The following CAMK4 variants were observed in gnomAD, a reference collection of about 807,000 sequenced individuals.
The protein encoded by CAMK4 is calcium/calmodulin dependent protein kinase IV, also known as calcium/calmodulin-dependent protein kinase type IV.
A neutral mutation model predicts 44.9 loss-of-function variants in CAMK4; 22 were observed. That is an observed-to-expected ratio of 0.49 (90% CI 0.35 to 0.70). The LOEUF is 0.70. Among genes scored for constraint, CAMK4 ranks in the 30% least tolerant of loss-of-function variants. The probability of loss-of-function intolerance (pLI) is 0.01; values close to 1 mark genes in which losing one functional copy is unlikely to be tolerated. For synonymous variants in CAMK4, 218 were observed against 215.4 expected (o/e 1.01, Z -0.11); for missense variants, 498 against 586.8 (o/e 0.85, Z 1.56).
chr5:111,237,599 G>A (rs1477313334), intron 1 of CAMK4, among the ~76,000 whole-genome samples: 3 of 152,184 alleles, frequency 2.0e-5, no homozygotes, highest in Admixed American at 2.0e-4. Flanking sequence ...GCTAGCACTA[G>A]TTGTAGATAT....
rs1414564990 is a variant in CAMK4, at chr5:111,490,333, G to A, written c.*5867G>A. 1 of 152,182 alleles carries A rather than the reference G, an allele frequency of 6.6e-6. No homozygotes were observed. Among genetic ancestry groups the A allele is most frequent in the Admixed American group, 6.5e-5 (1 of 15,288 alleles). The allele number at this position is 152,182 out of a possible 1,614,324, so 9.4% of individuals were successfully genotyped here. A position where few individuals can be genotyped will look rare whatever the true frequency, so the allele number is the denominator to read the frequency against. ...ACAGTTAAGCATAACTATAGGCTGG[G>A]CGTGATAGTTCATGCCTGTAATCCC... On this transcript the variant is annotated 3_prime_UTR_variant, in exon 11 of 11. Coordinates refer to ENST00000282356, the MANE Select transcript of CAMK4 (RefSeq NM_001744.6).
At chr5:111,285,368 C>T (rs1751199845) in intron 1 of CAMK4, among the ~76,000 whole-genome samples, 1 of 152,074 alleles carries the variant, frequency 6.6e-6, no homozygotes, top group African/African-American at 2.4e-5. Context: ...GCACAGGTGG[C>T]CAATGTGATT....
intron 7 of CAMK4, among the ~76,000 whole-genome samples, chr5:111,460,149 G>A (rs916798964): frequency 4.5e-4 from 68 of 151,476 alleles, no homozygotes; most frequent in African/African-American, 1.6e-3. Flanking sequence ...ATTACAGAAA[G>A]GATATGCATA....
At chr5:111,318,126 A>T (rs1377941119) in intron 1 of CAMK4, among the ~76,000 whole-genome samples, 1 of 152,096 alleles carries the variant, frequency 6.6e-6, no homozygotes, top group Admixed American at 6.6e-5. Flanking sequence ...GGTTTGTGGA[A>T]GTGTATTACA....
chr5:111,353,428 A>G (rs974645105), intron 2 of CAMK4, among the ~76,000 whole-genome samples: 20 of 152,044 alleles, frequency 1.3e-4, no homozygotes, highest in African/African-American at 4.8e-4. Context: ...TCCTTGCTAT[A>G]TGGATGTTAT....
chr5:111,238,866 C>T (rs1580463960), intron 1 of CAMK4, among the ~76,000 whole-genome samples: 1 of 140,014 alleles, frequency 7.1e-6, no homozygotes, highest in African/African-American at 2.7e-5. Flanking sequence ...AGCATGCCTC[C>T]ACCTTGCCAG....
chr5:111,488,996 T>C lies in CAMK4; in HGVS notation c.*4530T>C, dbSNP rs1755724522. 1 of 152,218 alleles carries C rather than the reference T, an allele frequency of 6.6e-6. No individual in the cohort carries two copies. The highest frequency in any genetic ancestry group is 2.4e-5 in the African/African-American group (1 of 41,456). 9.4% of individuals were successfully genotyped at this position (152,218 alleles called of 1,614,324 possible). ...TAGTCCATATTCTGATTTCCTTATG[T>C]TCATCACTGATATGTTCCTGATCAG... On this transcript the variant is annotated 3_prime_UTR_variant, in exon 11 of 11. Transcript: ENST00000282356.
chr5:111,271,215 C>T (rs552078793), intron 1 of CAMK4, among the ~76,000 whole-genome samples: 5 of 152,240 alleles, frequency 3.3e-5, no homozygotes, highest in East Asian at 3.9e-4. Context: ...CAGTGGAACA[C>T]GTATCTGGTA....
chr5:111,267,510 A>G (rs893958609), intron 1 of CAMK4, among the ~76,000 whole-genome samples: 1 of 151,936 alleles, frequency 6.6e-6, no homozygotes. Flanking sequence ...AGGTCAGGAG[A>G]TCGAGACCAC....
intron 7 of CAMK4, among the ~76,000 whole-genome samples, chr5:111,467,934 T>TCACACACACA (rs60254627): frequency 0.033 from 4,785 of 143,338 alleles, 108 homozygotes; most frequent in Non-Finnish European, 0.044. Flanking sequence ...AAAGAAATTG[T>TCACACACACA]CACACACACA....
intron 1 of CAMK4, among the ~76,000 whole-genome samples, chr5:111,287,952 C>T (rs939576534): frequency 2.0e-5 from 3 of 152,166 alleles, no homozygotes; most frequent in Admixed American, 6.5e-5. Context: ...ATATCCCTTT[C>T]GTTTTTATGG....
intron 5 of CAMK4, 33 bp from the exon 6 acceptor site, chr5:111,446,653 C>A (rs1241095900): frequency 1.8e-6 from 2 of 1,118,082 alleles, no homozygotes; most frequent in South Asian, 1.3e-5. Flanking sequence ...AATAGCATTA[C>A]ACAAATGTTA....
intron 5 of CAMK4, among the ~76,000 whole-genome samples, chr5:111,437,860 G>A (rs1288633970): frequency 6.6e-6 from 1 of 152,094 alleles, no homozygotes; most frequent in East Asian, 1.9e-4. Context: ...ATAAAGTCGT[G>A]GAAAACCATT....
At chr5:111,248,673 C>T (rs566701816) in intron 1 of CAMK4, among the ~76,000 whole-genome samples, 4 of 152,250 alleles carry the variant, frequency 2.6e-5, no homozygotes, top group Non-Finnish European at 4.4e-5. Context: ...TAAATATTTC[C>T]TCTGGACACC....
At position 111,494,198 on chromosome 5, in the gene CAMK4, A is replaced by T. The variant is rs981214057; in HGVS notation, c.*9732A>T. ...GGCTGCAAGTCAGTAGCCAAACACA[A>T]GAGCATGTAAGATTTGGAGGACAAA... is the stretch of plus-strand genomic sequence containing the variant. On this transcript the variant is annotated 3_prime_UTR_variant, in exon 11 of 11. Coordinates refer to ENST00000282356, the MANE Select transcript of CAMK4 (RefSeq NM_001744.6). 5.9e-5 allele frequency: 9 copies of T among 152,222 alleles called. No homozygotes were observed. The highest frequency in any genetic ancestry group is 2.2e-4 in the African/African-American group (9 of 41,466). The allele number at this position is 152,222 out of a possible 1,614,324, so 9.4% of individuals were successfully genotyped here.
At chr5:111,351,591 T>A (rs914169779) in intron 2 of CAMK4, among the ~76,000 whole-genome samples, 21 of 151,544 alleles carry the variant, frequency 1.4e-4, no homozygotes, top group African/African-American at 4.6e-4. Context: ...TTTTTTTTTT[T>A]AGTAGAGATG....
intron 5 of CAMK4, among the ~76,000 whole-genome samples, chr5:111,429,058 C>T (rs986826543): frequency 1.3e-4 from 20 of 152,066 alleles, no homozygotes; most frequent in African/African-American, 4.8e-4. Context: ...TTCATATAAA[C>T]AATTTGACAG....
At chr5:111,430,659 A>G (rs1753409671) in intron 5 of CAMK4, among the ~76,000 whole-genome samples, 1 of 152,238 alleles carries the variant, frequency 6.6e-6, no homozygotes, top group South Asian at 2.1e-4. Context: ...CTATATGCCA[A>G]CAGTGAACAA....
chr5:111,406,306 TC>T (rs1330949963), intron 5 of CAMK4, among the ~76,000 whole-genome samples: 1 of 151,430 alleles, frequency 6.6e-6, no homozygotes, highest in Non-Finnish European at 1.5e-5. Context: ...CACTGCAACT[TC>T]CGCCTCCCTG....
Sources: gnomAD v4.1 joint callset for allele counts (sites outside exome capture counted in the v4.1 genomes callset) on GRCh38, gnomAD v4.1.1 for gene constraint, MANE v1.5 for transcripts, NCBI Gene and HGNC (gene_info 2026-07-23, HGNC 2026-07-21) for gene names.